Variants in SCN9A observed in about 807,000 individuals in gnomAD.
SCN9A encodes sodium channel protein type 9 subunit alpha.
Under a neutral mutation model 187.0 loss-of-function variants are expected in SCN9A, and 131 were observed. The observed-to-expected ratio is 0.70, with a 90% CI of 0.61 to 0.81. The LOEUF is 0.81. Among genes scored for constraint, SCN9A ranks in the 30% least tolerant of loss-of-function variants. The probability of loss-of-function intolerance (pLI) is 0.00; values close to 1 mark genes in which losing one functional copy is unlikely to be tolerated. For synonymous variants in SCN9A, 809 were observed against 808.6 expected (o/e 1.00, Z -0.01); for missense variants, 2,252 against 2,396.6 (o/e 0.94, Z 1.26).
chr2:166,249,452 C>A (rs1695940253), intron 18 of SCN9A: 1 of 152,052 alleles, frequency 6.6e-6, no homozygotes, highest in African/African-American at 2.4e-5. Flanking sequence ...AAAGGCTAAG[C>A]AAATTGGCTG....
chr2:166,339,832 A>G (rs1054957096), intron 1 of SCN9A, among the ~76,000 whole-genome samples: 4 of 152,180 alleles, frequency 2.6e-5, no homozygotes, highest in African/African-American at 9.7e-5. Flanking sequence ...AGTGTAGAAT[A>G]TGGAATTTCT....
chr2:166,290,901 C>G (rs1698034751), intron 9 of SCN9A, among the ~76,000 whole-genome samples: 1 of 152,060 alleles, frequency 6.6e-6, no homozygotes, highest in South Asian at 2.1e-4. Flanking sequence ...TAAAAACTAT[C>G]AATAAACTAG....
intron 20 of SCN9A, among the ~76,000 whole-genome samples, chr2:166,237,191 T>A (rs1222710491): frequency 6.6e-6 from 1 of 151,216 alleles, no homozygotes; most frequent in Non-Finnish European, 1.5e-5. Flanking sequence ...TATTAAGTTA[T>A]ATTATTAAAA....
intron 7 of SCN9A, among the ~76,000 whole-genome samples, chr2:166,296,392 C>A (rs955066916): frequency 6.6e-6 from 1 of 152,042 alleles, no homozygotes; most frequent in African/African-American, 2.4e-5. Flanking sequence ...ACAGATAAAA[C>A]AATAAAGCCT....
At chr2:166,306,693 A>C in intron 3 of SCN9A, 94 bp from the exon 4 acceptor site, 1 of 859,998 alleles carries the variant, frequency 1.2e-6, no homozygotes, top group Admixed American at 2.0e-5. Context: ...TTTCCTAAGA[A>C]AAAAATTCTA....
intron 24 of SCN9A, among the ~76,000 whole-genome samples, chr2:166,224,593 C>G (rs561425705): frequency 8.5e-5 from 13 of 152,164 alleles, no homozygotes; most frequent in Non-Finnish European, 1.5e-4. Flanking sequence ...ACTCCTTTAT[C>G]TCTTGCAAAT....
chr2:166,212,670 G>T (rs576374400), intron 24 of SCN9A, among the ~76,000 whole-genome samples: 2 of 152,224 alleles, frequency 1.3e-5, no homozygotes, highest in South Asian at 4.1e-4. Context: ...CTACCCAACA[G>T]CATCTTAATA....
At chr2:166,287,851 C>T (rs1697842005) in intron 10 of SCN9A, among the ~76,000 whole-genome samples, 1 of 151,220 alleles carries the variant, frequency 6.6e-6, no homozygotes, top group South Asian at 2.1e-4. Context: ...TAGTCATACC[C>T]CATAGAAGAG....
At chr2:166,230,999 G>T (rs1695057802) in intron 21 of SCN9A, among the ~76,000 whole-genome samples, 1 of 152,144 alleles carries the variant, frequency 6.6e-6, no homozygotes, top group South Asian at 2.1e-4. Context: ...TAGCCCTGCG[G>T]CATGAATAAA....
intron 20 of SCN9A, 39 bp from the exon 21 acceptor site, chr2:166,233,501 T>C (rs748440235): frequency 6.6e-7 from 1 of 1,506,556 alleles, no homozygotes; most frequent in Non-Finnish European, 8.9e-7. Context: ...GTCAATAAAA[T>C]GATGAAGCAT....
At chr2:166,271,279 T>C (rs1049302521) in intron 17 of SCN9A, among the ~76,000 whole-genome samples, 7 of 152,082 alleles carry the variant, frequency 4.6e-5, no homozygotes, top group Non-Finnish European at 7.4e-5. Context: ...GAACATTGAG[T>C]ATGGTTCTAA....
rs980034038 is a variant in SCN9A at position 166,277,181 on chromosome 2, G to A, written c.2676C>T (p.Tyr892=). ...CATTGATCTTGCAGACACATTCTTTGTAGCTCTTACCAAAGAGCTGCATGC... is the reference window on the plus strand; with the variant it reads ...CATTGATCTTGCAGACACATTCTTTATAGCTCTTACCAAAGAGCTGCATGC... ...VVGMQLFGKS[Y]KECVCKINDD... Residue 892 remains tyrosine (Y), a synonymous_variant, in exon 16 of 27, where the codon TAC becomes TAT. Coordinates refer to ENST00000642356, the MANE Select transcript of SCN9A (RefSeq NM_001365536.1). The A allele has an allele frequency of 6.2e-7, 1 of 1,613,926 alleles. No homozygotes were observed. Among genetic ancestry groups the A allele is most frequent in the Admixed American group, 1.7e-5 (1 of 59,974 alleles).
intron 1 of SCN9A, among the ~76,000 whole-genome samples, chr2:166,336,575 C>G (rs1699634064): frequency 6.6e-6 from 1 of 152,116 alleles, no homozygotes; most frequent in South Asian, 2.1e-4. Context: ...CACAATTTCA[C>G]CTGGAGGCTT....
intron 24 of SCN9A, among the ~76,000 whole-genome samples, chr2:166,207,656 G>GT (rs1277290573): frequency 3.3e-5 from 5 of 152,118 alleles, no homozygotes; most frequent in Admixed American, 1.3e-4. Context: ...GGCTGGTCTG[G>GT]TTTTGAACTC....
chr2:166,292,525 G>GAA (rs71031235), intron 9 of SCN9A, among the ~76,000 whole-genome samples: 2 of 148,892 alleles, frequency 1.3e-5, no homozygotes, highest in South Asian at 2.1e-4. Flanking sequence ...GGCCAAAAAA[G>GAA]AAAAAAAAAC....
intron 21 of SCN9A, among the ~76,000 whole-genome samples, chr2:166,230,496 C>G (rs904020536): frequency 1.3e-5 from 2 of 152,166 alleles, no homozygotes; most frequent in Non-Finnish European, 2.9e-5. Flanking sequence ...TCTGATACAT[C>G]TAGTCACTGA....
At chr2:166,205,789 T>G (rs1221309909) in intron 24 of SCN9A, among the ~76,000 whole-genome samples, 2 of 152,000 alleles carry the variant, frequency 1.3e-5, no homozygotes, top group Non-Finnish European at 2.9e-5. Context: ...ATATCCAGAA[T>G]CTACAAAGAA....
intron 6 of SCN9A, 179 bp downstream of exon 6, chr2:166,304,059 T>A (rs751482341): frequency 5.0e-6 from 8 of 1,613,352 alleles, no homozygotes; most frequent in Non-Finnish European, 6.8e-6. Context: ...TTTTCAATGC[T>A]CGGAGAACTC....
intron 1 of SCN9A, among the ~76,000 whole-genome samples, chr2:166,368,235 G>T (rs2105325910): frequency 6.6e-6 from 1 of 152,276 alleles, no homozygotes; most frequent in Admixed American, 6.5e-5. Context: ...TTAACAAACT[G>T]CTCAGTTAGC....
Sources: gnomAD v4.1 joint callset for allele counts (sites outside exome capture counted in the v4.1 genomes callset) on GRCh38, gnomAD v4.1.1 for gene constraint, MANE v1.5 for transcripts, NCBI Gene and HGNC (gene_info 2026-07-23, HGNC 2026-07-21) for gene names.